The following ITGA7 variants were observed in gnomAD, a reference collection of about 807,000 sequenced individuals.
ITGA7 encodes the protein integrin subunit alpha 7.
In ITGA7, 84 loss-of-function variants were observed where a neutral mutation model predicts 131.6. The observed-to-expected ratio is 0.64, with a 90% CI of 0.54 to 0.77. The LOEUF is 0.77. ITGA7 is among the 30% of genes least tolerant of loss of function. The pLI is 0.00. For synonymous variants in ITGA7, 548 were observed against 600.7 expected, an observed-to-expected ratio of 0.91 and a Z score of 1.28; for missense variants, 1,399 against 1,482.9, an observed-to-expected ratio of 0.94 and a Z score of 0.93.
chr12:55,699,688 C>T lies in ITGA7; in HGVS notation c.790+182G>A, dbSNP rs1305544743. 7 of 754,882 alleles carry T rather than the reference C, an allele frequency of 9.3e-6. No homozygotes were observed. The Admixed American group carries it at 9.4e-5, about 10-fold the overall frequency. 46.8% of individuals were successfully genotyped at this position (754,882 alleles called of 1,614,324 possible). On this transcript the variant is annotated intron_variant, in intron 5 of 24. Transcript: ENST00000257879. ...GCCCCAGAGGCCACCACCCTGGGGG[C>T]CTCCTCCTCTTAGGCCTGATCATTG...
At position 55,702,266 on chromosome 12, in the gene ITGA7, G is replaced by A. The variant is rs867816348; in HGVS notation, c.414+606C>T. On this transcript the variant is annotated intron_variant, in intron 3 of 24. Transcript: ENST00000257879. ...GCGATCTCAGCTCACTGCAAGCTCC[G>A]CCTCTCCGGTTCACGCCATTCTCCT... Among the ~76,000 whole-genome samples the A allele has an allele frequency of 2.2e-4, 34 of 151,124 alleles. 1 individual carries two copies. Among genetic ancestry groups the A allele is most frequent in the South Asian group, 1.5e-3 (7 of 4,782 alleles).
chr12:55,692,498 T>C (rs1473418044), intron 21 of ITGA7, among the ~76,000 whole-genome samples: 1 of 152,264 alleles, frequency 6.6e-6, no homozygotes, highest in Admixed American at 6.5e-5. Context: ...TTTTATCTTA[T>C]AAGAGTTCAA....
At chr12:55,706,624 T>C (rs1875245298) in intron 1 of ITGA7, among the ~76,000 whole-genome samples, 1 of 152,086 alleles carries the variant, frequency 6.6e-6, no homozygotes, top group African/African-American at 2.4e-5. Context: ...ACATGACCAG[T>C]CACAGGCCCC....
intron 24 of ITGA7, among the ~76,000 whole-genome samples, 184 bp downstream of exon 24, chr12:55,687,787 G>T (rs1324177095): frequency 1.3e-5 from 2 of 152,210 alleles, no homozygotes; most frequent in Non-Finnish European, 2.9e-5. Context: ...ACTGCACCCA[G>T]CCTGCATCTG....
At chr12:55,713,612 T>A (rs1422215321), upstream of ITGA7, among the ~76,000 whole-genome samples, 1 of 152,232 alleles carries the variant, frequency 6.6e-6, no homozygotes, top group Admixed American at 6.5e-5. Context: ...AATACATACA[T>A]GTAAAGTGCT....
At chr12:55,700,439 A>C in intron 4 of ITGA7, 1 of 1,570,604 alleles carries the variant, frequency 6.4e-7, no homozygotes, top group Non-Finnish European at 8.6e-7. Context: ...CGCAAGGAAC[A>C]CCCCTCAGGC....
intron 5 of ITGA7, chr12:55,699,573 T>G (rs1873491546): frequency 2.1e-6 from 1 of 466,648 alleles, no homozygotes; most frequent in Non-Finnish European, 3.9e-6. Flanking sequence ...AAAGTCCCCC[T>G]AGAAGACAGG....
Position 55,697,249 on chromosome 12 carries a change from T to C in ITGA7, c.1534A>G (p.Ile512Val), listed in dbSNP as rs767276735. The C allele has an allele frequency of 1.1e-5, 18 of 1,598,804 alleles. No homozygotes were observed. The South Asian group carries it at 2.0e-4, about 18-fold the overall frequency. ...GGGCTATAGCTGCTGGGGACTGCAA[T>C]GTAGCTGAAACAGACCCTTAGGTCC... ...CVDLRVCFSYIAVPSSYSPTV... is the reference protein window; with the variant it reads ...CVDLRVCFSYVAVPSSYSPTV... The change falls in exon 11 of 25, where the codon ATT (isoleucine) becomes GTT (valine). Residue 512 changes from isoleucine to valine, a missense_variant. Ile to Val is a conservative substitution (Grantham distance 29, BLOSUM62 3). Coordinates refer to ENST00000257879, the MANE Select transcript of ITGA7 (RefSeq NM_002206.3).
upstream of ITGA7, among the ~76,000 whole-genome samples, chr12:55,710,622 A>G (rs185707944): frequency 1.1e-4 from 17 of 152,040 alleles, no homozygotes; most frequent in Middle Eastern, 0.01. Context: ...TACAAAAAAT[A>G]GAAAAGTTAG....
At chr12:55,707,925 C>T (rs560519020), upstream of ITGA7, 6 of 1,385,518 alleles carry the variant, frequency 4.3e-6, no homozygotes, top group East Asian at 5.8e-5. Context: ...GCCTCCTCTC[C>T]CGGGGACGCC....
chr12:55,694,517 G>A lies in ITGA7; in HGVS notation c.2283C>T (p.Thr761=). 2.5e-6 allele frequency: 4 copies of A among 1,614,210 alleles called. No individual in the cohort carries two copies. Among genetic ancestry groups the A allele is most frequent in the Non-Finnish European group, 3.4e-6 (4 of 1,180,008 alleles). Reference sequence around the variant, plus strand: ...CGGAGGTGCTAAGGATGAGGTAGAAGGTGACCTAGGCCAAGGGTGGAAAGA... The same window carrying A: ...CGGAGGTGCTAAGGATGAGGTAGAAAGTGACCTAGGCCAAGGGTGGAAAGA... The part of the protein sequence containing the change: ...GNPMKRGAQV[T]FYLILSTSGI... Residue 761 remains threonine (T), a synonymous_variant, in exon 17 of 25, where the codon ACC becomes ACT. Transcript: ENST00000257879. This position sits in a 1 kb window ranked among gnomAD's most constrained non-coding sequence, Gnocchi z 5.3.
chr12:55,707,387 G>T, intron 1 of ITGA7, 90 bp downstream of exon 1: 1 of 1,079,234 alleles, frequency 9.3e-7, no homozygotes, highest in South Asian at 1.3e-5. Context: ...GGTGGGGCTA[G>T]AAAACAGAGA....
At chr12:55,699,409 C>G in intron 5 of ITGA7, 1 of 284,096 alleles carries the variant, frequency 3.5e-6, no homozygotes, top group Non-Finnish European at 6.8e-6. Flanking sequence ...GAGGGGGAGA[C>G]AAGGGGGAGT....
upstream of ITGA7, chr12:55,716,008 A>G: frequency 6.6e-7 from 1 of 1,515,192 alleles, no homozygotes; most frequent in Non-Finnish European, 8.8e-7. Context: ...CCAAGGTCTC[A>G]AGAGGGCGGT....
chr12:55,707,824 T>TCCCG lies in ITGA7; in HGVS notation c.-146_-143dup, dbSNP rs1398605755. The TCCCG allele has an allele frequency of 8.8e-5, 58 of 658,080 alleles. No individual in the cohort carries two copies. The highest frequency in any genetic ancestry group is 4.7e-4 in the African/African-American group (11 of 23,574). The allele number at this position is 658,080 out of a possible 1,614,324, so 40.8% of individuals were successfully genotyped here. A position where few individuals can be genotyped will look rare whatever the true frequency, so the allele number is the denominator to read the frequency against. ...TCCCAGACGTTCGCCCCGCCAGCCC[T>TCCCG]CCCGCCCGCCCGCCGCTCCGCCACC... is the stretch of plus-strand genomic sequence containing the variant. On this transcript the variant is annotated 5_prime_UTR_variant, in exon 1 of 25. Coordinates refer to ENST00000257879, the MANE Select transcript of ITGA7 (RefSeq NM_002206.3).
chr12:55,694,170 C>T lies in ITGA7; in HGVS notation c.2433-47G>A. On this transcript the variant is annotated intron_variant, in intron 18 of 24. Transcript: ENST00000257879. The surrounding 1 kb of genome is among the most constrained non-coding windows in gnomAD (Gnocchi z 5.3). ...AGGGGTGAGAAGGTCTGGGGCCTGG[C>T]TCAATGAAGGCAGGGCCCTGGCCAA... The T allele has an allele frequency of 6.2e-7, 1 of 1,611,422 alleles. No homozygotes were observed. Among genetic ancestry groups the T allele is most frequent in the Non-Finnish European group, 8.5e-7 (1 of 1,177,500 alleles).
Position 55,693,186 on chromosome 12 carries a change from A to G in ITGA7, c.2667T>C (p.Pro889=). The G allele has an allele frequency of 1.2e-6, 2 of 1,613,574 alleles. No individual in the cohort carries two copies. Among genetic ancestry groups the G allele is most frequent in the East Asian group, 2.2e-5 (1 of 44,824 alleles). The part of the protein sequence containing the change: ...MQVELEGGQG[P]GQKGLCSPRP... ...TGGGAGAGCAAAGCCCTTTCTGCCC[A>G]GGCCCCTGCCCGCCCTCCAGCTCAA... Residue 889 remains proline (P), a synonymous_variant, in exon 20 of 25, where the codon CCT becomes CCC. Transcript: ENST00000257879.
At chr12:55,713,935 T>C (rs963990492), upstream of ITGA7, among the ~76,000 whole-genome samples, 3 of 152,320 alleles carry the variant, frequency 2.0e-5, no homozygotes, top group Admixed American at 2.0e-4. Context: ...CTCCTCCCCC[T>C]GCAAGTAAAT....
chr12:55,688,764 A>T, intron 22 of ITGA7, 80 bp downstream of exon 22: 4 of 992,548 alleles, frequency 4.0e-6, no homozygotes, highest in Non-Finnish European at 4.8e-6. Flanking sequence ...TTGGACAGTG[A>T]GGAAGGAGGA....
Sources: allele counts gnomAD v4.1 joint callset (sites outside exome capture counted in the v4.1 genomes callset), GRCh38; gene constraint gnomAD v4.1.1; non-coding constraint Gnocchi (gnomAD v3.1); transcripts MANE v1.5; gene names NCBI Gene and HGNC (gene_info 2026-07-23, HGNC 2026-07-21).